RHOA: variants seen among roughly 807,000 people sequenced by gnomAD.
The protein encoded by RHOA is ras homolog family member A, also known as transforming protein RhoA.
In RHOA, 3 loss-of-function variants were observed where a neutral mutation model predicts 17.5. The observed-to-expected ratio is 0.17, with a 90% CI of 0.08 to 0.44. The LOEUF (loss-of-function observed/expected upper bound fraction) is 0.44, where lower values mean the gene tolerates loss of function less well. Ranked by LOEUF, RHOA falls within the 20% of genes least tolerant of loss-of-function variation. RHOA has a pLI of 0.99. For synonymous variants in RHOA, 98 were observed against 88.4 expected (o/e 1.11, Z -0.61); for missense variants, 56 against 242.3 (o/e 0.23, Z 5.10).
chr3:49,370,941 T>G (rs149569889), intron 2 of RHOA, among the ~76,000 whole-genome samples: 1 of 152,308 alleles, frequency 6.6e-6, no homozygotes, highest in Admixed American at 6.5e-5. Context: ...TGCCCCAGGA[T>G]GCATCACAAA....
chr3:49,371,908 C>T (rs2107843831), intron 2 of RHOA, among the ~76,000 whole-genome samples: 1 of 152,262 alleles, frequency 6.6e-6, no homozygotes, highest in African/African-American at 2.4e-5. Flanking sequence ...GAGCTGCTTC[C>T]AAAACATACA....
intron 1 of RHOA, among the ~76,000 whole-genome samples, chr3:49,400,828 G>A (rs1033294189): frequency 6.6e-6 from 1 of 151,096 alleles, no homozygotes; most frequent in Non-Finnish European, 1.5e-5. Context: ...GGCGGATCAC[G>A]AGGTCAGGAG....
rs117165267 is a variant in RHOA at position 49,369,730 on chromosome 3, G to A, written c.157-1182C>T. 2.9e-3 allele frequency among the ~76,000 whole-genome samples: 420 copies of A among 146,356 alleles called. 6 individuals carry two copies. The highest frequency in any genetic ancestry group is 0.024 in the Middle Eastern group (6 of 254). On this transcript the variant is annotated intron_variant, in intron 2 of 4. Coordinates refer to ENST00000418115, the MANE Select transcript of RHOA (RefSeq NM_001664.4). ...AGCACTCCAGCATGGGCGACAAAGC[G>A]AGCCTCCATCTCTAAAAAAAAAAAA... is the stretch of plus-strand genomic sequence containing the variant.
chr3:49,394,501 C>T (rs2107886462), intron 1 of RHOA, among the ~76,000 whole-genome samples: 1 of 152,248 alleles, frequency 6.6e-6, no homozygotes, highest in Middle Eastern at 3.4e-3. Context: ...CAGGTGCGCA[C>T]AACCATGCCC....
intron 1 of RHOA, among the ~76,000 whole-genome samples, chr3:49,380,940 GTA>G (rs55897702): frequency 6.7e-6 from 1 of 150,230 alleles, no homozygotes; most frequent in African/African-American, 2.4e-5. Context: ...ACGTGTGTGT[GTA>G]TATATATAGA....
chr3:49,405,454 G>A (rs576083396), intron 1 of RHOA, among the ~76,000 whole-genome samples: 103 of 152,030 alleles, frequency 6.8e-4, no homozygotes, highest in African/African-American at 2.4e-3. Context: ...AATAAAATAA[G>A]TTAGTTGAAG....
At chr3:49,395,093 CA>C (rs71627385) in intron 1 of RHOA, among the ~76,000 whole-genome samples, 32 of 149,072 alleles carry the variant, frequency 2.1e-4, no homozygotes, top group Non-Finnish European at 4.0e-4. Context: ...ACTAAAAATA[CA>C]AAAAAAAACA....
At chr3:49,396,117 A>T (rs1255367673) in intron 1 of RHOA, among the ~76,000 whole-genome samples, 1 of 152,212 alleles carries the variant, frequency 6.6e-6, no homozygotes, top group Non-Finnish European at 1.5e-5. Flanking sequence ...AACACATTAC[A>T]AGAAAAGAGT....
chr3:49,361,204 A>AAGAGGTC (rs2107827896), intron 4 of RHOA: 1 of 166,008 alleles, frequency 6.0e-6, no homozygotes, highest in East Asian at 1.7e-4. Context: ...AAGTAGAGGG[A>AAGAGGTC]AGAGGTCAGA....
At chr3:49,367,852 T>C (rs146852174) in intron 3 of RHOA, among the ~76,000 whole-genome samples, 1 of 152,024 alleles carries the variant, frequency 6.6e-6, no homozygotes. Flanking sequence ...CTGGAATTCA[T>C]CTAGTTTACA....
At chr3:49,368,583 T>C (rs2048095975) in intron 2 of RHOA, 35 bp from the exon 3 acceptor site, 1 of 1,613,284 alleles carries the variant, frequency 6.2e-7, no homozygotes, top group Non-Finnish European at 8.5e-7. Flanking sequence ...GAGTGCAAGG[T>C]TAATCCCCCC....
At chr3:49,403,075 C>T (rs2048752728) in intron 1 of RHOA, among the ~76,000 whole-genome samples, 1 of 150,988 alleles carries the variant, frequency 6.6e-6, no homozygotes, top group Non-Finnish European at 1.5e-5. Flanking sequence ...AGCGCGGTGG[C>T]TCACGCCTGT....
intron 1 of RHOA, among the ~76,000 whole-genome samples, chr3:49,380,064 G>A (rs2048292529): frequency 6.6e-6 from 1 of 152,144 alleles, no homozygotes; most frequent in African/African-American, 2.4e-5. Flanking sequence ...TTGGAGACAT[G>A]GCCATGTACC....
intron 1 of RHOA, among the ~76,000 whole-genome samples, chr3:49,393,741 GCT>G (rs1215262266): frequency 7.7e-6 from 1 of 130,452 alleles, no homozygotes; most frequent in Middle Eastern, 4.8e-3. Context: ...ACAGAATCTC[GCT>G]CTGTCGCCCA....
intron 1 of RHOA, among the ~76,000 whole-genome samples, chr3:49,404,581 CA>C (rs2048786427): frequency 7.4e-6 from 1 of 134,670 alleles, no homozygotes; most frequent in South Asian, 2.4e-4. Context: ...CACTACACTC[CA>C]GCTTAGACAA....
At chr3:49,364,114 C>T (rs1378077339) in intron 3 of RHOA, among the ~76,000 whole-genome samples, 2 of 152,080 alleles carry the variant, frequency 1.3e-5, no homozygotes, top group Non-Finnish European at 2.9e-5. Context: ...CTTTGAGAGG[C>T]TGAGGCAGGT....
At chr3:49,407,231 C>CG (rs2048845654) in intron 1 of RHOA, among the ~76,000 whole-genome samples, 1 of 115,426 alleles carries the variant, frequency 8.7e-6, no homozygotes, top group South Asian at 2.9e-4. Context: ...AAATCCTTTC[C>CG]GTTTTTTTTT....
chr3:49,379,851 T>C (rs1338388285), intron 1 of RHOA, among the ~76,000 whole-genome samples: 3 of 152,088 alleles, frequency 2.0e-5, no homozygotes, highest in Non-Finnish European at 4.4e-5. Flanking sequence ...AAAAGGTGAA[T>C]TGTAAGATAT....
At chr3:49,379,815 C>T (rs1359679423) in intron 1 of RHOA, among the ~76,000 whole-genome samples, 1 of 152,172 alleles carries the variant, frequency 6.6e-6, no homozygotes, top group Admixed American at 6.6e-5. Flanking sequence ...CGCACCCAGC[C>T]CACAGTATAT....
Sources: gnomAD v4.1 joint callset for allele counts (sites outside exome capture counted in the v4.1 genomes callset) on GRCh38, gnomAD v4.1.1 for gene constraint, MANE v1.5 for transcripts, NCBI Gene and HGNC (gene_info 2026-07-23, HGNC 2026-07-21) for gene names.